The following RABGAP1 variants were observed in gnomAD, a reference collection of about 807,000 sequenced individuals.
The protein encoded by RABGAP1 is rab GTPase-activating protein 1.
Under a neutral mutation model 137.6 loss-of-function variants are expected in RABGAP1, and 23 were observed. The observed-to-expected ratio is 0.17, with a 90% CI of 0.12 to 0.24. The LOEUF (loss-of-function observed/expected upper bound fraction) is 0.24, where lower values mean the gene tolerates loss of function less well. RABGAP1 is among the 10% of genes least tolerant of loss of function. The pLI, the probability that RABGAP1 is intolerant of heterozygous loss-of-function variation, is 1.00. For missense variants in RABGAP1, 906 were observed against 1,275.8 expected, an observed-to-expected ratio of 0.71 and a Z score of 4.42; for synonymous variants, 451 against 450.7, an observed-to-expected ratio of 1.00 and a Z score of -0.01.
intron 13 of RABGAP1, among the ~76,000 whole-genome samples, chr9:123,064,315 A>G (rs1050051480): frequency 6.6e-6 from 1 of 152,350 alleles, no homozygotes; most frequent in South Asian, 2.1e-4. Flanking sequence ...CTCTTTGAAA[A>G]GCAATTTGGC....
intron 10 of RABGAP1, among the ~76,000 whole-genome samples, chr9:123,007,239 A>G (rs1264671404): frequency 6.6e-6 from 1 of 151,864 alleles, no homozygotes; most frequent in African/African-American, 2.4e-5. Context: ...AGGCCCAGCT[A>G]ATTTTTTGTA....
chr9:123,016,190 C>G (rs2031214156), intron 12 of RABGAP1, among the ~76,000 whole-genome samples: 1 of 152,154 alleles, frequency 6.6e-6, no homozygotes, highest in Admixed American at 6.5e-5. Context: ...GAAGCACTAT[C>G]CTATAGGCTA....
chr9:123,026,581 C>A (rs2031984378), intron 13 of RABGAP1, among the ~76,000 whole-genome samples: 1 of 152,148 alleles, frequency 6.6e-6, no homozygotes, highest in East Asian at 1.9e-4. Flanking sequence ...TTAAGAGCTC[C>A]TCAACCCTGG....
At chr9:123,041,847 A>T (rs1224535142) in intron 13 of RABGAP1, among the ~76,000 whole-genome samples, 1 of 152,204 alleles carries the variant, frequency 6.6e-6, no homozygotes, top group Non-Finnish European at 1.5e-5. Flanking sequence ...AAAAACAAGA[A>T]TTGATAGAAG....
intron 2 of RABGAP1, among the ~76,000 whole-genome samples, chr9:122,974,941 T>C (rs1835686635): frequency 6.6e-6 from 1 of 152,238 alleles, no homozygotes; most frequent in Non-Finnish European, 1.5e-5. Flanking sequence ...GGTTTGAGAT[T>C]AGTAACTAAA....
chr9:123,040,696 T>G (rs2032911049), intron 13 of RABGAP1, among the ~76,000 whole-genome samples: 1 of 152,148 alleles, frequency 6.6e-6, no homozygotes, highest in South Asian at 2.1e-4. Flanking sequence ...CATCTTTGTT[T>G]TTTACGTTAG....
At chr9:123,085,892 T>C (rs2034848218) in intron 19 of RABGAP1, among the ~76,000 whole-genome samples, 1 of 152,236 alleles carries the variant, frequency 6.6e-6, no homozygotes, top group Non-Finnish European at 1.5e-5. Context: ...ATGTCCCTGC[T>C]GCATCTTTAT....
chr9:122,988,064 A>G (rs1162546359), intron 4 of RABGAP1, among the ~76,000 whole-genome samples: 1 of 152,172 alleles, frequency 6.6e-6, no homozygotes, highest in Non-Finnish European at 1.5e-5. Context: ...CACAAATTCT[A>G]TTTATTAATG....
At chr9:123,055,831 G>C (rs188771038) in intron 13 of RABGAP1, among the ~76,000 whole-genome samples, 1 of 152,158 alleles carries the variant, frequency 6.6e-6, no homozygotes, top group Non-Finnish European at 1.5e-5. Context: ...GAGTACAGGC[G>C]TGAGCCACCG....
At chr9:123,051,742 CTATTTTATTTTATTTTATTTTATTT>C (rs66629098) in intron 13 of RABGAP1, among the ~76,000 whole-genome samples, 126 of 140,206 alleles carry the variant, frequency 9.0e-4, no homozygotes, top group African/African-American at 1.6e-3. Flanking sequence ...AAGAGAAAAG[CTATTTTATTTTATTTTATTTTATTT>C]TATTTTATTT....
rs779659950 is a variant in RABGAP1 at position 123,098,808 on chromosome 9, A to C, written c.2817+10A>C. Reference sequence around the variant, plus strand: ...TGGTGACTATAAGCAGGTAGGTTCCAGTACCCTGGGATTGGGCTGTGTAAT... The same window carrying C: ...TGGTGACTATAAGCAGGTAGGTTCCCGTACCCTGGGATTGGGCTGTGTAAT... On this transcript the variant is annotated intron_variant, in intron 23 of 25. Coordinates refer to ENST00000373647, the MANE Select transcript of RABGAP1 (RefSeq NM_012197.4). The C allele has an allele frequency of 1.2e-6, 2 of 1,607,984 alleles. No homozygotes were observed. The highest frequency in any genetic ancestry group is 1.7e-6 in the Non-Finnish European group (2 of 1,175,140).
At chr9:122,932,344 C>G in the RABGAP1 span, among the ~76,000 whole-genome samples, 4 of 152,176 alleles carry the variant, frequency 2.6e-5, no homozygotes, top group Admixed American at 6.5e-5. Context: ...TCCTCAGCCT[C>G]CCAAAGTGCT....
chr9:122,995,566 A>ATTTTTTTTTTT, intron 6 of RABGAP1, among the ~76,000 whole-genome samples: 1 of 118,458 alleles, frequency 8.4e-6, no homozygotes, highest in Non-Finnish European at 1.7e-5. Context: ...ATATCAAATG[A>ATTTTTTTTTTT]TTTTTTTTTT....
At chr9:123,035,112 G>C in intron 13 of RABGAP1, 2 of 1,613,776 alleles carry the variant, frequency 1.2e-6, no homozygotes, top group Non-Finnish European at 1.7e-6. Flanking sequence ...AGTGGTGTGC[G>C]GAGTCCTGGC....
chr9:122,998,582 T>A lies in RABGAP1; in HGVS notation c.1205-15T>A, dbSNP rs763638684. On this transcript the variant is annotated splice_polypyrimidine_tract_variant and intron_variant, in intron 9 of 25. Coordinates refer to ENST00000373647, the MANE Select transcript of RABGAP1 (RefSeq NM_012197.4). ...TTCTGATTTACCTCTTCAGCCTCTC[T>A]CTTTCTTTGTTTAGATAAAGTCCTG... The A allele has an allele frequency of 6.6e-7, 1 of 1,519,840 alleles. No homozygotes were observed. Among genetic ancestry groups the A allele is most frequent in the Non-Finnish European group, 8.9e-7 (1 of 1,118,364 alleles). The allele number at this position is 1,519,840 out of a possible 1,614,324, so 94.1% of individuals were successfully genotyped here.
intron 13 of RABGAP1, chr9:123,034,433 G>GAA: frequency 1.5e-6 from 1 of 654,568 alleles, no homozygotes; most frequent in Non-Finnish European, 2.7e-6. Context: ...GCAGCATCAG[G>GAA]AGCTTGGGGA....
chr9:123,004,290 C>T (rs545972450), intron 10 of RABGAP1, among the ~76,000 whole-genome samples: 2 of 152,090 alleles, frequency 1.3e-5, no homozygotes, highest in Non-Finnish European at 2.9e-5. Context: ...TGTATCTCAA[C>T]AACGTCTTTT....
chr9:123,099,351 T>C (rs2035274967), intron 23 of RABGAP1, 127 bp from the exon 24 acceptor site: 4 of 842,718 alleles, frequency 4.7e-6, no homozygotes, highest in Admixed American at 4.3e-5. Flanking sequence ...TCATATCCCC[T>C]CCTGAGCGGT....
chr9:122,947,879 A>G (rs1389488495), intron 1 of RABGAP1, among the ~76,000 whole-genome samples: 1 of 152,240 alleles, frequency 6.6e-6, no homozygotes. Context: ...AAACAAAGAC[A>G]TCTATTGTTT....
Sources: gnomAD v4.1 joint callset for allele counts (sites outside exome capture counted in the v4.1 genomes callset) on GRCh38, gnomAD v4.1.1 for gene constraint, MANE v1.5 for transcripts, NCBI Gene and HGNC (gene_info 2026-07-23, HGNC 2026-07-21) for gene names.